ALDH1L2: variants seen among roughly 807,000 people sequenced by gnomAD.
The protein encoded by ALDH1L2 is mitochondrial 10-formyltetrahydrofolate dehydrogenase.
In ALDH1L2, 91 loss-of-function variants were observed where a neutral mutation model predicts 111.0. The observed-to-expected ratio is 0.82, with a 90% CI of 0.69 to 0.98. The LOEUF is 0.98. Among genes scored for constraint, ALDH1L2 ranks in the 50% least tolerant of loss-of-function variants. The pLI is 0.00. For missense variants in ALDH1L2, 995 were observed against 1,126.8 expected (o/e 0.88, Z 1.67); for synonymous variants, 374 against 392.6 (o/e 0.95, Z 0.56).
At chr12:105,047,507 C>T (rs1466192567) in intron 13 of ALDH1L2, 2 of 156,112 alleles carry the variant, frequency 1.3e-5, no homozygotes, top group South Asian at 1.9e-4. Context: ...ATGAGTCAAC[C>T]TTCAGGGTGG....
chr12:105,028,909 A>G (rs755369402), intron 21 of ALDH1L2, among the ~76,000 whole-genome samples: 5 of 152,128 alleles, frequency 3.3e-5, no homozygotes, highest in African/African-American at 9.7e-5. Flanking sequence ...TGATGTCCCT[A>G]TGTTTTTAGG....
At chr12:105,030,637 A>G (rs1874647709) in intron 20 of ALDH1L2, among the ~76,000 whole-genome samples, 2 of 152,230 alleles carry the variant, frequency 1.3e-5, no homozygotes, top group Admixed American at 1.3e-4. Context: ...ATGTAAAGGT[A>G]GAGAAAACAG....
intron 15 of ALDH1L2, among the ~76,000 whole-genome samples, chr12:105,044,329 G>C (rs913848491): frequency 1.3e-5 from 2 of 152,034 alleles, no homozygotes; most frequent in Admixed American, 1.3e-4. Flanking sequence ...TATCCTGGCT[G>C]TGCCTTGGAA....
In ALDH1L2 at chr12:105,050,027, C is replaced by A. The variant is rs1876154277; in HGVS notation, c.1567G>T (p.Glu523Ter). 1 of 1,606,328 alleles carries A rather than the reference C, an allele frequency of 6.2e-7. No individual in the cohort carries two copies. The highest frequency in any genetic ancestry group is 1.3e-5 in the African/African-American group (1 of 74,748). Residue 523 changes from glutamate to a stop codon, truncating the protein, a stop_gained, in exon 13 of 23, where the codon GAG (glutamate) becomes TAG (stop). Coordinates refer to ENST00000258494, the MANE Select transcript of ALDH1L2 (RefSeq NM_001034173.4). LOFTEE classifies it high-confidence loss of function. ...TCAAGGGCTTCAATAGTTGCCAGCTCTTCTTGGTTCTCTTCCAGTAGGTCT... is the reference window on the plus strand; with the variant it reads ...TCAAGGGCTTCAATAGTTGCCAGCTATTCTTGGTTCTCTTCCAGTAGGTCT... ...LADLLEENQEELATIEALDSG... is the reference protein window; with the variant it reads ...LADLLEENQE
At chr12:105,044,976 ACT>A (rs1875755130) in intron 15 of ALDH1L2, among the ~76,000 whole-genome samples, 1 of 151,956 alleles carries the variant, frequency 6.6e-6, no homozygotes, top group South Asian at 2.1e-4. Flanking sequence ...CGTGAGCTCT[ACT>A]CTCTTAACAA....
chr12:105,077,390 C>A (rs1486751087), intron 1 of ALDH1L2, among the ~76,000 whole-genome samples: 2 of 152,004 alleles, frequency 1.3e-5, no homozygotes, highest in African/African-American at 4.8e-5. Context: ...CCTGCCTCAG[C>A]CTCCCAAGTA....
intron 21 of ALDH1L2, among the ~76,000 whole-genome samples, chr12:105,027,416 G>A (rs191907068): frequency 1.7e-4 from 26 of 152,026 alleles, no homozygotes; most frequent in African/African-American, 4.3e-4. Context: ...CATCTCTTCC[G>A]ATTTTGCACA....
chr12:105,057,125 A>C (rs1876678820), intron 10 of ALDH1L2, among the ~76,000 whole-genome samples: 1 of 152,128 alleles, frequency 6.6e-6, no homozygotes, highest in Non-Finnish European at 1.5e-5. Flanking sequence ...ATTTCTCCAA[A>C]GAAGAAATAC....
rs1878490252 is a variant in ALDH1L2 at position 105,084,369 on chromosome 12, C to A, written c.48+20G>T. On this transcript the variant is annotated intron_variant, in intron 1 of 22. Coordinates refer to ENST00000258494, the MANE Select transcript of ALDH1L2 (RefSeq NM_001034173.4). ...CCAGGACAGGGTGACAGCCGGGACGCTCGCCCGGGCCGGACTCACCCGGCC... is the reference window on the plus strand; with the variant it reads ...CCAGGACAGGGTGACAGCCGGGACGATCGCCCGGGCCGGACTCACCCGGCC... The A allele has an allele frequency of 1.3e-6, 2 of 1,505,370 alleles. No homozygotes were observed. The highest frequency in any genetic ancestry group is 2.5e-5 in the South Asian group (2 of 81,176). 93.3% of individuals were successfully genotyped at this position (1,505,370 alleles called of 1,614,324 possible).
intron 9 of ALDH1L2, among the ~76,000 whole-genome samples, chr12:105,058,750 T>C (rs1453015730): frequency 6.6e-6 from 1 of 152,218 alleles, no homozygotes; most frequent in East Asian, 1.9e-4. Flanking sequence ...CCACTGTTAG[T>C]TTGTCAAATT....
rs147279028 is a variant in ALDH1L2 at position 105,078,774 on chromosome 12, C to G, written c.49-4769G>C. ...CACAGTTTGGTTAAGAGACGAGAAG[C>G]CTTCTCCAGAAGGGAGTTACTTAGC... On this transcript the variant is annotated intron_variant, in intron 1 of 22. Coordinates refer to ENST00000258494, the MANE Select transcript of ALDH1L2 (RefSeq NM_001034173.4). Among the ~76,000 whole-genome samples, 600 of 152,292 alleles carry G rather than the reference C, an allele frequency of 3.9e-3. 8 individuals are homozygous for G. Among genetic ancestry groups the G allele is most frequent in the African/African-American group, 0.013 (559 of 41,554 alleles).
chr12:105,051,557 C>T (rs7313896), intron 12 of ALDH1L2, among the ~76,000 whole-genome samples: 38,495 of 152,052 alleles, frequency 0.25, 7,412 homozygotes, highest in African/African-American at 0.55. Flanking sequence ...TCTTTGACCT[C>T]GGCCACGTCT....
rs780102497 is a variant in ALDH1L2 at position 105,034,304 on chromosome 12, CTT to C, written c.2238_2239del (p.Arg747SerfsTer6). ...GTAAATGTGAAGGTGCCTCACCACT[CTT>C]GTCACAAATTCGTCGTGGATGGATT... is the stretch of plus-strand genomic sequence containing the variant. On this transcript the variant is annotated frameshift_variant, in exon 19 of 23. Coordinates refer to ENST00000258494, the MANE Select transcript of ALDH1L2 (RefSeq NM_001034173.4). LOFTEE classifies it high-confidence loss of function. The C allele has an allele frequency of 1.7e-5, 27 of 1,613,704 alleles. No homozygotes were observed. Among genetic ancestry groups the C allele is most frequent in the Non-Finnish European group, 2.1e-5 (25 of 1,179,886 alleles).
chr12:105,064,262 G>A (rs1436447046), intron 6 of ALDH1L2, among the ~76,000 whole-genome samples: 3 of 151,156 alleles, frequency 2.0e-5, no homozygotes, highest in Non-Finnish European at 2.9e-5. Context: ...GATTACAGGT[G>A]TGAGCCACCA....
At chr12:105,082,247 T>C (rs1878367862) in intron 1 of ALDH1L2, among the ~76,000 whole-genome samples, 1 of 152,192 alleles carries the variant, frequency 6.6e-6, no homozygotes, top group East Asian at 1.9e-4. Flanking sequence ...CCCTCTTCAG[T>C]GTACTGTGCT....
rs778307448 is a variant in ALDH1L2 at position 105,038,118 on chromosome 12, G to T, written c.2130C>A (p.Asp710Glu). The change falls in exon 18 of 23, where the codon GAC becomes GAA. Residue 710 changes from aspartate (D) to glutamate (E), a missense_variant. Transcript: ENST00000258494. ...PLIIFNDCEL[D>E]KAVRMGMGAV... The stretch of plus-strand genomic sequence containing the variant: ...CCTCTCTTACCATTCGCACAGCCTT[G>T]TCAAGTTCACAGTCATTAAATATTA... 1 of 1,613,534 alleles carries T rather than the reference G, an allele frequency of 6.2e-7. No individual in the cohort carries two copies.
chr12:105,030,474 C>A, intron 20 of ALDH1L2, 45 bp from the exon 21 acceptor site: 1 of 1,520,706 alleles, frequency 6.6e-7, no homozygotes, highest in South Asian at 1.2e-5. Flanking sequence ...TAGGTTAAGT[C>A]ATTTTCAATT....
intron 4 of ALDH1L2, 39 bp downstream of exon 4, chr12:105,068,680 T>C: frequency 7.2e-7 from 1 of 1,391,568 alleles, no homozygotes; most frequent in Non-Finnish European, 9.4e-7. Context: ...TTCAAAACTT[T>C]AAAGGTTTAC....
Position 105,040,599 on chromosome 12 carries a change from T to G in ALDH1L2, c.1951+8A>C, listed in dbSNP as rs1476159920. ...AGTTATAGCACAGTCGGTCATTTAG[T>G]GGCTTACCTGAGCCTGGAATGATGT... On this transcript the variant is annotated splice_region_variant and intron_variant, in intron 16 of 22. Transcript: ENST00000258494. The G allele has an allele frequency of 1.2e-6, 2 of 1,614,016 alleles. No individual in the cohort carries two copies. The highest frequency in any genetic ancestry group is 8.5e-7 in the Non-Finnish European group (1 of 1,179,870).
Sources: gnomAD v4.1 joint callset for allele counts (sites outside exome capture counted in the v4.1 genomes callset) on GRCh38, gnomAD v4.1.1 for gene constraint, MANE v1.5 for transcripts, NCBI Gene and HGNC (gene_info 2026-07-23, HGNC 2026-07-21) for gene names.